FAM178B: variants seen among roughly 807,000 people sequenced by gnomAD.
FAM178B encodes the protein protein FAM178B.
FAM178B carries 82 observed loss-of-function variants against 91.7 expected under a neutral mutation model. The ratio of observed to expected loss-of-function variants is 0.89; its 90% CI spans 0.75 to 1.07. FAM178B has a LOEUF of 1.07. Among genes scored for constraint, FAM178B ranks in the 50% least tolerant of loss-of-function variants. FAM178B has a pLI of 0.00. For missense variants in FAM178B, 769 were observed against 846.7 expected, an observed-to-expected ratio of 0.91 and a Z score of 1.14; for synonymous variants, 368 against 359.4, an observed-to-expected ratio of 1.02 and a Z score of -0.27.
intron 6 of FAM178B, among the ~76,000 whole-genome samples, chr2:96,952,400 C>T (rs988961726): frequency 2.0e-5 from 3 of 152,240 alleles, no homozygotes; most frequent in African/African-American, 4.8e-5. Context: ...GGGATGGGGG[C>T]GTGCTCAGAC....
In FAM178B at chr2:96,960,326, G is replaced by A. The variant is rs1574305329; in HGVS notation, c.849C>T (p.Leu283=). The change falls in exon 6 of 17, where the codon CTC becomes CTT. Residue 283 remains leucine, a synonymous_variant. Transcript: ENST00000490605. ...CTTCCAGGTGGCTGCGTGGCTTCAG[G>A]AGTGAGGAGTCCAGGATGCATGGCA... ...HPLPCILDSS[L]LKPRSHLEGL... is the part of the protein sequence containing the mutation. The A allele has an allele frequency of 6.4e-7, 1 of 1,551,786 alleles. No homozygotes were observed. Among genetic ancestry groups the A allele is most frequent in the Non-Finnish European group, 8.7e-7 (1 of 1,147,008 alleles).
chr2:96,972,069 C>T lies in FAM178B; in HGVS notation c.396G>A (p.Gln132=), dbSNP rs7602647. The T allele has an allele frequency of 2.3e-3, 3,621 of 1,544,496 alleles. 74 individuals are homozygous for T. The African/African-American group carries it at 0.044, about 19-fold the overall frequency. ...VLQASREAPA[Q]RWVGVVGPQG... is the part of the protein sequence containing the mutation. ...GGGGGCCCACCACACCCACCCACCT[C>T]TGGGCCGGGGCCTCCCGACTGGCCT... The change falls in exon 3 of 17, where the codon CAG becomes CAA. Residue 132 remains glutamine, a synonymous_variant. Coordinates refer to ENST00000490605, the MANE Select transcript of FAM178B (RefSeq NM_001122646.3).
chr2:96,902,024 C>G (rs897818103), intron 13 of FAM178B, among the ~76,000 whole-genome samples: 1 of 152,064 alleles, frequency 6.6e-6, no homozygotes, highest in Non-Finnish European at 1.5e-5. Context: ...GTCTCAAACT[C>G]CTGATCTCAG....
intron 1 of FAM178B, among the ~76,000 whole-genome samples, chr2:96,980,749 C>T (rs2082350670): frequency 6.6e-6 from 1 of 152,084 alleles, no homozygotes; most frequent in Admixed American, 6.6e-5. Context: ...TGAGGTTGAG[C>T]ACCTTTTCAT....
chr2:96,940,327 G>A (rs1210475581), intron 8 of FAM178B, among the ~76,000 whole-genome samples: 1 of 152,238 alleles, frequency 6.6e-6, no homozygotes, highest in East Asian at 1.9e-4. Context: ...GCGACCTGCA[G>A]ATGAGAAGGT....
intron 12 of FAM178B, among the ~76,000 whole-genome samples, chr2:96,915,116 T>TC (rs1443288662): frequency 6.6e-6 from 1 of 151,798 alleles, no homozygotes; most frequent in East Asian, 1.9e-4. Flanking sequence ...AACCAAATTT[T>TC]TTTTTTTTTT....
At chr2:96,952,295 C>T (rs1029864957) in intron 6 of FAM178B, among the ~76,000 whole-genome samples, 1 of 152,142 alleles carries the variant, frequency 6.6e-6, no homozygotes, top group Non-Finnish European at 1.5e-5. Flanking sequence ...CAGAAAGGGG[C>T]CCGGGATGAA....
chr2:96,975,581 T>G (rs1179495957), intron 1 of FAM178B, among the ~76,000 whole-genome samples: 2 of 152,234 alleles, frequency 1.3e-5, no homozygotes, highest in Non-Finnish European at 2.9e-5. Flanking sequence ...AATTATTCTC[T>G]TCTAGCTATT....
intron 14 of FAM178B, among the ~76,000 whole-genome samples, chr2:96,890,683 C>A (rs193198209): frequency 1.9e-4 from 29 of 152,262 alleles, no homozygotes; most frequent in African/African-American, 7.0e-4. Context: ...TTTCTGCCTG[C>A]GGCCAAAAGA....
intron 13 of FAM178B, among the ~76,000 whole-genome samples, chr2:96,898,346 A>C (rs1313841533): frequency 6.6e-6 from 1 of 152,136 alleles, no homozygotes; most frequent in Admixed American, 6.5e-5. Context: ...TGCAGTGGTC[A>C]AGGGCAGGAC....
intron 13 of FAM178B, among the ~76,000 whole-genome samples, chr2:96,901,009 G>T (rs1310843804): frequency 1.3e-5 from 2 of 152,112 alleles, no homozygotes; most frequent in Non-Finnish European, 2.9e-5. Context: ...ATTCCAGGAA[G>T]ATTACTGCGG....
At chr2:96,979,645 C>T (rs2082336361) in intron 1 of FAM178B, among the ~76,000 whole-genome samples, 1 of 152,122 alleles carries the variant, frequency 6.6e-6, no homozygotes, top group Non-Finnish European at 1.5e-5. Flanking sequence ...CAGGAAGATA[C>T]CCAGTAGTGG....
chr2:96,929,803 T>C (rs1014698322), intron 8 of FAM178B, among the ~76,000 whole-genome samples: 1 of 152,222 alleles, frequency 6.6e-6, no homozygotes, highest in African/African-American at 2.4e-5. Flanking sequence ...TAGTCCACCA[T>C]CCCTGCTGGG....
At chr2:96,953,625 A>G (rs2081959721) in intron 6 of FAM178B, among the ~76,000 whole-genome samples, 1 of 152,204 alleles carries the variant, frequency 6.6e-6, no homozygotes, top group African/African-American at 2.4e-5. Flanking sequence ...AATTTTGTCT[A>G]TGGGACCAGG....
At chr2:96,920,321 G>T (rs933634372) in intron 12 of FAM178B, among the ~76,000 whole-genome samples, 1 of 152,220 alleles carries the variant, frequency 6.6e-6, no homozygotes, top group Non-Finnish European at 1.5e-5. Flanking sequence ...GAATTTACAG[G>T]CCAGGCGTGG....
At chr2:96,878,343 C>T in intron 15 of FAM178B, 73 bp downstream of exon 15, 1 of 1,450,856 alleles carries the variant, frequency 6.9e-7, no homozygotes, top group Non-Finnish European at 9.6e-7. Context: ...GCCATCCCAG[C>T]CAACCCCCGC....
chr2:96,885,400 G>A (rs545993638), intron 14 of FAM178B, among the ~76,000 whole-genome samples: 5 of 152,230 alleles, frequency 3.3e-5, no homozygotes, highest in African/African-American at 1.2e-4. Flanking sequence ...CCTTCACAGC[G>A]GGGATCTCTT....
intron 1 of FAM178B, chr2:96,977,921 A>T (rs940581991): frequency 3.7e-5 from 15 of 402,644 alleles, no homozygotes; most frequent in Non-Finnish European, 7.3e-5. Flanking sequence ...CTGCAAGTTC[A>T]GCAGTTCATC....
chr2:96,979,310 C>T (rs2082332240), intron 1 of FAM178B, among the ~76,000 whole-genome samples: 1 of 127,482 alleles, frequency 7.8e-6, no homozygotes, highest in African/African-American at 3.1e-5. Flanking sequence ...GACAGAGTCG[C>T]ACTCTGTCAT....
Sources: allele counts gnomAD v4.1 joint callset (sites outside exome capture counted in the v4.1 genomes callset), GRCh38; gene constraint gnomAD v4.1.1; transcripts MANE v1.5; gene names NCBI Gene and HGNC (gene_info 2026-07-23, HGNC 2026-07-21).